Variants in MID1 observed in about 807,000 individuals in gnomAD.
The protein encoded by MID1 is E3 ubiquitin-protein ligase Midline-1.
A neutral mutation model predicts 40.4 loss-of-function variants in MID1; 7 were observed. That is an observed-to-expected ratio of 0.17 (90% CI 0.10 to 0.33). The LOEUF is 0.33. MID1 is among the 10% of genes least tolerant of loss of function. MID1 has a pLI of 1.00. For missense variants in MID1, 367 were observed against 558.5 expected, an observed-to-expected ratio of 0.66 and a Z score of 3.46; for synonymous variants, 229 against 221.2, an observed-to-expected ratio of 1.04 and a Z score of -0.31.
At chrX:10,612,041 T>G (rs1935744903) in intron 1 of MID1, among the ~76,000 whole-genome samples, 1 of 112,177 alleles carries the variant, frequency 8.9e-6, no homozygotes, top group Non-Finnish European at 1.9e-5. Flanking sequence ...CTTATCACTC[T>G]TTGTTAGTTA....
At chrX:10,792,561 A>G (rs758597794) in intron 1 of MID1, among the ~76,000 whole-genome samples, 3 of 112,270 alleles carry the variant, frequency 2.7e-5, no homozygotes, top group Non-Finnish European at 5.6e-5. Flanking sequence ...ATAAATAAAT[A>G]TATAGTTCAA....
intron 1 of MID1, among the ~76,000 whole-genome samples, chrX:10,710,286 C>T (rs1487323501): frequency 7.2e-5 from 8 of 111,181 alleles, no homozygotes; most frequent in Admixed American, 3.9e-4. Context: ...TAGAAGGATG[C>T]CACAATCCAA....
chrX:10,662,777 T>C (rs756499074), intron 1 of MID1, among the ~76,000 whole-genome samples: 1 of 111,500 alleles, frequency 9.0e-6, no homozygotes, highest in African/African-American at 3.3e-5. Flanking sequence ...TTATTATTAT[T>C]CTACTGAGAA....
chrX:10,549,235 C>T (rs1933815039), intron 2 of MID1, among the ~76,000 whole-genome samples: 1 of 112,645 alleles, frequency 8.9e-6, no homozygotes, highest in African/African-American at 3.2e-5. Flanking sequence ...AAGATATTTG[C>T]CTTAACTTAC....
chrX:10,736,169 C>T (rs978200116), intron 1 of MID1, among the ~76,000 whole-genome samples: 3 of 111,070 alleles, frequency 2.7e-5, no homozygotes, highest in Admixed American at 9.5e-5. Flanking sequence ...TTAGTAGAGA[C>T]GGGGTTTCAC....
chrX:10,749,413 T>C (rs758374461), intron 1 of MID1, among the ~76,000 whole-genome samples: 3 of 111,764 alleles, frequency 2.7e-5, no homozygotes, highest in Admixed American at 9.5e-5. Flanking sequence ...TTTACCAGGA[T>C]GGTTTATGTG....
intron 1 of MID1, among the ~76,000 whole-genome samples, chrX:10,824,643 T>C (rs920327059): frequency 4.4e-5 from 5 of 112,535 alleles, no homozygotes; most frequent in African/African-American, 1.6e-4. Context: ...ACTATTCCGA[T>C]TTAAAATGGA....
Position 10,805,019 on chromosome X carries a change from C to G in MID1, c.-187+28535G>C, listed in dbSNP as rs150500088. ...GTAAAACCCATGAAAATGTTGGGAT[C>G]CCACTGAAATTAGGCTCCCAGTAGT... On this transcript the variant is annotated intron_variant, in intron 1 of 10. Transcript: ENST00000380785. Among the ~76,000 whole-genome samples the G allele has an allele frequency of 3.9e-3, 434 of 110,605 alleles. 1 individual carries two copies. Among genetic ancestry groups the G allele is most frequent in the African/African-American group, 0.013 (383 of 30,399 alleles).
chrX:10,814,927 T>C (rs1180056338), intron 1 of MID1, among the ~76,000 whole-genome samples: 1 of 111,321 alleles, frequency 9.0e-6, no homozygotes, highest in Non-Finnish European at 1.9e-5. Context: ...ATTACCATTG[T>C]TGGTTTAATC....
intron 1 of MID1, among the ~76,000 whole-genome samples, chrX:10,609,175 ACAC>A (rs1338681458): frequency 1.8e-5 from 2 of 111,551 alleles, no homozygotes; most frequent in South Asian, 7.5e-4. Flanking sequence ...ACACACACAC[ACAC>A]ATTTGTCTAA....
intron 1 of MID1, among the ~76,000 whole-genome samples, chrX:10,735,172 G>A (rs775821982): frequency 5.4e-5 from 6 of 112,000 alleles, no homozygotes; most frequent in Non-Finnish European, 3.8e-5. Context: ...GCGCAATCTC[G>A]GCTCACTGCA....
chrX:10,449,386 G>A lies in MID1; in HGVS notation c.1986C>T (p.Cys662=). ...TGLPIPDHLD[C]TEQLP ...CAGACGCTCACGGCAGCTGCTCTGT[G>A]CAGTCCAAATGGTCTGGGATAGGGA... Residue 662 remains cysteine (C), a synonymous_variant, in exon 10 of 10, where the codon TGC becomes TGT. Coordinates refer to ENST00000317552, the MANE Select transcript of MID1 (RefSeq NM_000381.4). 2 of 1,210,375 alleles carry A rather than the reference G, an allele frequency of 1.7e-6. No individual in the cohort carries two copies. The highest frequency in any genetic ancestry group is 1.8e-5 in the South Asian group (1 of 56,950).
At chrX:10,526,452 T>C (rs928356951) in intron 2 of MID1, among the ~76,000 whole-genome samples, 1 of 111,890 alleles carries the variant, frequency 8.9e-6, no homozygotes, top group East Asian at 2.8e-4. Flanking sequence ...CATTATAACG[T>C]ATATTTGTCA....
chrX:10,764,792 T>C (rs1325112437), intron 1 of MID1, among the ~76,000 whole-genome samples: 1 of 112,073 alleles, frequency 8.9e-6, no homozygotes, highest in Non-Finnish European at 1.9e-5. Context: ...GTAATGGTAT[T>C]TCCACCTATT....
intron 2 of MID1, among the ~76,000 whole-genome samples, chrX:10,540,513 C>T (rs771886454): frequency 3.0e-4 from 34 of 111,672 alleles, no homozygotes; most frequent in African/African-American, 1.1e-3. Flanking sequence ...GTCAGTCTGT[C>T]TTTGATTGTC....
intron 6 of MID1, among the ~76,000 whole-genome samples, chrX:10,473,191 G>T (rs1929808105): frequency 9.0e-6 from 1 of 110,695 alleles, no homozygotes. Context: ...AGCTAACGCT[G>T]GATAGTACAG....
At chrX:10,493,578 A>T (rs1270580338) in intron 4 of MID1, among the ~76,000 whole-genome samples, 1 of 111,984 alleles carries the variant, frequency 8.9e-6, no homozygotes, top group African/African-American at 3.2e-5. Context: ...TTTCAAAAAA[A>T]TTATTTATTT....
At chrX:10,736,488 C>T (rs2043488804) in intron 1 of MID1, among the ~76,000 whole-genome samples, 2 of 112,300 alleles carry the variant, frequency 1.8e-5, no homozygotes, top group South Asian at 7.4e-4. Flanking sequence ...GAGACTCAAA[C>T]ATGTGGCTGT....
intron 1 of MID1, among the ~76,000 whole-genome samples, chrX:10,651,688 C>T (rs765818529): frequency 5.3e-5 from 6 of 112,476 alleles, no homozygotes; most frequent in Middle Eastern, 4.6e-3. Context: ...TGCATTGGCA[C>T]GATAATGGCT....
Sources: gnomAD v4.1 joint callset for allele counts (sites outside exome capture counted in the v4.1 genomes callset) on GRCh38, gnomAD v4.1.1 for gene constraint, MANE v1.5 for transcripts, NCBI Gene and HGNC (gene_info 2026-07-23, HGNC 2026-07-21) for gene names.